The following HTR1F variants were observed in gnomAD, a reference collection of about 807,000 sequenced individuals.
The protein encoded by HTR1F is 5-hydroxytryptamine receptor 1F, also known as 5-hydroxytryptamine (serotonin) receptor 1F, G protein-coupled.
Under a neutral mutation model 24.0 loss-of-function variants are expected in HTR1F, and 17 were observed. The ratio of observed to expected loss-of-function variants is 0.71; its 90% CI spans 0.48 to 1.06. HTR1F has a LOEUF of 1.06. Among genes scored for constraint, HTR1F ranks in the 50% least tolerant of loss-of-function variants. The pLI, the probability that HTR1F is intolerant of heterozygous loss-of-function variation, is 0.00. For synonymous variants in HTR1F, 186 were observed against 156.8 expected, an observed-to-expected ratio of 1.19 and a Z score of -1.39; for missense variants, 391 against 427.8, an observed-to-expected ratio of 0.91 and a Z score of 0.76.
chr3:87,940,076 T>C (rs1446887752), intron 2 of HTR1F, among the ~76,000 whole-genome samples: 1 of 152,238 alleles, frequency 6.6e-6, no homozygotes, highest in Non-Finnish European at 1.5e-5. Context: ...TTTGTTCTCA[T>C]TGGTTTCAAA....
chr3:87,866,915 C>CA (rs1705442887), intron 2 of HTR1F, among the ~76,000 whole-genome samples: 1 of 151,100 alleles, frequency 6.6e-6, no homozygotes, highest in Non-Finnish European at 1.5e-5. Flanking sequence ...TTTTACATTT[C>CA]TTTATGGTCT....
chr3:87,946,421 A>C (rs1470035048), intron 2 of HTR1F, among the ~76,000 whole-genome samples: 4 of 152,116 alleles, frequency 2.6e-5, no homozygotes, highest in Admixed American at 2.0e-4. Flanking sequence ...AAGAACCTGA[A>C]GTCTTGTAAC....
chr3:87,931,052 T>A (rs1393420324), intron 2 of HTR1F, among the ~76,000 whole-genome samples: 1 of 151,134 alleles, frequency 6.6e-6, no homozygotes, highest in East Asian at 1.9e-4. Flanking sequence ...TTTTTACTTT[T>A]TTTATTGTTA....
At chr3:87,984,457 GTTTTGT>G (rs1430534567) in intron 2 of HTR1F, among the ~76,000 whole-genome samples, 1 of 151,736 alleles carries the variant, frequency 6.6e-6, no homozygotes, top group Non-Finnish European at 1.5e-5. Context: ...TTGTTTGTTT[GTTTTGT>G]TTTTGTTTTG....
intron 2 of HTR1F, among the ~76,000 whole-genome samples, chr3:87,922,902 G>C (rs1489866231): frequency 1.3e-5 from 2 of 148,250 alleles, no homozygotes; most frequent in Non-Finnish European, 3.0e-5. Flanking sequence ...TCACAGTTTT[G>C]GGTCTTACAT....
At chr3:87,826,955 C>T (rs1704476551) in intron 2 of HTR1F, among the ~76,000 whole-genome samples, 1 of 151,996 alleles carries the variant, frequency 6.6e-6, no homozygotes, top group Non-Finnish European at 1.5e-5. Context: ...GGACTACAAG[C>T]ATGGGCCACC....
intron 2 of HTR1F, among the ~76,000 whole-genome samples, chr3:87,968,397 G>C (rs1189109426): frequency 2.0e-5 from 3 of 152,034 alleles, no homozygotes; most frequent in Admixed American, 6.6e-5. Context: ...ATTTTTAGTA[G>C]AGACAGGGTT....
intron 2 of HTR1F, among the ~76,000 whole-genome samples, chr3:87,920,519 A>G (rs1393760013): frequency 6.6e-6 from 1 of 152,090 alleles, no homozygotes; most frequent in Non-Finnish European, 1.5e-5. Flanking sequence ...TTTTTAAAAA[A>G]GAAATGATAT....
At chr3:87,920,041 AT>A (rs1703979859) in intron 2 of HTR1F, among the ~76,000 whole-genome samples, 1 of 148,828 alleles carries the variant, frequency 6.7e-6, no homozygotes, top group Admixed American at 6.8e-5. Context: ...ATATATATAT[AT>A]ATATATATGA....
At chr3:87,879,457 T>C (rs1043442382) in intron 2 of HTR1F, among the ~76,000 whole-genome samples, 1 of 152,172 alleles carries the variant, frequency 6.6e-6, no homozygotes, top group Non-Finnish European at 1.5e-5. Flanking sequence ...GTGAAATCAC[T>C]TCATTGCAAT....
intron 2 of HTR1F, among the ~76,000 whole-genome samples, chr3:87,978,890 G>GAGGT (rs1250443484): frequency 0.49 from 22,960 of 46,454 alleles, 5,491 homozygotes; most frequent in Middle Eastern, 0.72. Context: ...GGGAGGGAGG[G>GAGGT]AGGAAGGAAG....
chr3:87,921,870 C>T (rs1357309802), intron 2 of HTR1F, among the ~76,000 whole-genome samples: 2 of 151,792 alleles, frequency 1.3e-5, no homozygotes, highest in Non-Finnish European at 2.9e-5. Context: ...CAAGGTTTAT[C>T]CATGTTGCCA....
chr3:87,799,261 C>T (rs898780601), intron 1 of HTR1F, among the ~76,000 whole-genome samples: 1 of 152,076 alleles, frequency 6.6e-6, no homozygotes, highest in South Asian at 2.1e-4. Flanking sequence ...CTAGCATTAC[C>T]CAATAATAGT....
chr3:87,990,494 A>T (rs988496375), intron 2 of HTR1F, among the ~76,000 whole-genome samples: 4 of 152,208 alleles, frequency 2.6e-5, no homozygotes, highest in African/African-American at 4.8e-5. Flanking sequence ...CCTATATTTT[A>T]AGAAATGTTT....
intron 2 of HTR1F, among the ~76,000 whole-genome samples, chr3:87,841,238 TTA>T (rs1704796528): frequency 6.6e-6 from 1 of 151,860 alleles, no homozygotes; most frequent in South Asian, 2.1e-4. Context: ...AACAAAATTA[TTA>T]TATGACAAAA....
chr3:87,862,398 TC>T (rs1705336758), intron 2 of HTR1F, among the ~76,000 whole-genome samples: 1 of 152,210 alleles, frequency 6.6e-6, no homozygotes, highest in Admixed American at 6.5e-5. Context: ...TCATGAACAA[TC>T]CTTCCCTATT....
chr3:87,827,119 C>T, intron 2 of HTR1F, among the ~76,000 whole-genome samples: 1 of 150,082 alleles, frequency 6.7e-6, no homozygotes. Context: ...TATTTTCTTT[C>T]TTTCTTTTTT....
chr3:87,936,002 C>T (rs571061356), intron 2 of HTR1F, among the ~76,000 whole-genome samples: 112 of 152,228 alleles, frequency 7.4e-4, no homozygotes, highest in African/African-American at 2.4e-3. Context: ...AGGCGCCCAC[C>T]ACTACATCTG....
At chr3:87,817,274 T>C (rs1451024636) in intron 1 of HTR1F, among the ~76,000 whole-genome samples, 1 of 152,184 alleles carries the variant, frequency 6.6e-6, no homozygotes, top group African/African-American at 2.4e-5. Flanking sequence ...TTAAACCATC[T>C]TAGTTGACAT....
Sources: gnomAD v4.1 joint callset for allele counts (sites outside exome capture counted in the v4.1 genomes callset) on GRCh38, gnomAD v4.1.1 for gene constraint, MANE v1.5 for transcripts, NCBI Gene and HGNC (gene_info 2026-07-23, HGNC 2026-07-21) for gene names.